FRY: variants seen among roughly 807,000 people sequenced by gnomAD.
FRY encodes FRY microtubule binding protein, also known as protein furry homolog.
FRY carries 128 observed loss-of-function variants against 348.4 expected under a neutral mutation model. The ratio of observed to expected loss-of-function variants is 0.37; its 90% CI spans 0.32 to 0.43. The LOEUF is 0.43. FRY is among the 20% of genes least tolerant of loss of function. The pLI, the probability that FRY is intolerant of heterozygous loss-of-function variation, is 1.00. For synonymous variants in FRY, 1,370 were observed against 1,374.7 expected, an observed-to-expected ratio of 1.00 and a Z score of 0.08; for missense variants, 2,736 against 3,695.2, an observed-to-expected ratio of 0.74 and a Z score of 6.73.
intron 36 of FRY, among the ~76,000 whole-genome samples, chr13:32,222,607 G>T (rs1192732107): frequency 6.6e-6 from 1 of 152,228 alleles, no homozygotes; most frequent in Admixed American, 6.5e-5. Flanking sequence ...TGCAAGAGAG[G>T]ATGGTGGCTT....
At chr13:32,200,903 C>G (rs1053494296) in intron 29 of FRY, among the ~76,000 whole-genome samples, 5 of 152,142 alleles carry the variant, frequency 3.3e-5, no homozygotes, top group African/African-American at 1.2e-4. Flanking sequence ...CTAATTCCAG[C>G]CCTCATCAGT....
At chr13:32,113,185 CAGTGAGTA>C (rs1878078594) in intron 3 of FRY, among the ~76,000 whole-genome samples, 1 of 152,266 alleles carries the variant, frequency 6.6e-6, no homozygotes, top group South Asian at 2.1e-4. Context: ...TGGTATTACA[CAGTGAGTA>C]TCGTGGCCCT....
intron 12 of FRY, 23 bp from the exon 13 acceptor site, chr13:32,147,816 C>T (rs750288463): frequency 1.2e-5 from 16 of 1,361,526 alleles, no homozygotes; most frequent in Middle Eastern, 1.8e-4. Flanking sequence ...TGCTTGTTTT[C>T]TCTTTTCCCC....
At chr13:32,230,336 C>A (rs1885839792) in intron 40 of FRY, among the ~76,000 whole-genome samples, 1 of 152,194 alleles carries the variant, frequency 6.6e-6, no homozygotes, top group Admixed American at 6.5e-5. Flanking sequence ...TTGTCTGTTC[C>A]TGCGTTAGTT....
intron 31 of FRY, among the ~76,000 whole-genome samples, chr13:32,203,405 G>T (rs1884159786): frequency 6.6e-6 from 1 of 152,196 alleles, no homozygotes; most frequent in South Asian, 2.1e-4. Flanking sequence ...ATAAACTGCA[G>T]TTAGGTAATG....
Position 32,186,246 on chromosome 13 carries a change from GT to G in FRY, c.3320-9del. ...GTCCAGTCTTATAACCTCTAAGTGT[GT>G]TTTTCTCCCTAGTTCACCACCGAAG... On this transcript the variant is annotated splice_polypyrimidine_tract_variant and intron_variant, in intron 26 of 60. Transcript: ENST00000542859. 2 of 1,604,036 alleles carry G rather than the reference GT, an allele frequency of 1.2e-6. No homozygotes were observed. The highest frequency in any genetic ancestry group is 1.3e-5 in the African/African-American group (1 of 74,844).
chr13:32,247,287 A>G (rs1253287586), intron 47 of FRY, 36 bp from the exon 48 acceptor site: 2 of 1,559,222 alleles, frequency 1.3e-6, no homozygotes, highest in Non-Finnish European at 1.8e-6. Context: ...AAAAAATTAA[A>G]TTATTTTTAA....
chr13:32,150,629 A>G (rs755894943), intron 14 of FRY, among the ~76,000 whole-genome samples: 12 of 152,206 alleles, frequency 7.9e-5, no homozygotes, highest in Non-Finnish European at 1.6e-4. Flanking sequence ...GGAAGAGTAC[A>G]TTACAAACTC....
intron 50 of FRY, among the ~76,000 whole-genome samples, chr13:32,253,955 A>T (rs1887211730): frequency 6.6e-6 from 1 of 152,046 alleles, no homozygotes; most frequent in African/African-American, 2.4e-5. Flanking sequence ...ATACACACAC[A>T]CACACAGGTA....
rs376976526 is a variant in FRY at position 32,294,115 on chromosome 13, T to A, written c.8581-253T>A. Among the ~76,000 whole-genome samples the A allele has an allele frequency of 1.8e-4, 27 of 152,324 alleles. No homozygotes were observed. The East Asian group carries it at 5.0e-3, about 28-fold the overall frequency. On this transcript the variant is annotated intron_variant, in intron 59 of 60. Transcript: ENST00000542859. The stretch of plus-strand genomic sequence containing the variant: ...ATTCCCTATTTAAGTCTAACTTAAA[T>A]AGAACACATTTTAAATGAAGTCTTA...
chr13:32,294,616 C>G, intron 60 of FRY, 46 bp downstream of exon 60: 1 of 1,362,548 alleles, frequency 7.3e-7, no homozygotes, highest in Non-Finnish European at 1.1e-6. Context: ...AAATGCACAC[C>G]TGGTTGTTAC....
chr13:32,186,152 G>T, intron 26 of FRY, 108 bp from the exon 27 acceptor site: 1 of 869,878 alleles, frequency 1.1e-6, no homozygotes. Context: ...AAAGAAAACT[G>T]TAGTTAAAAA....
intron 49 of FRY, 69 bp from the exon 50 acceptor site, chr13:32,251,809 G>A (rs1887098024): frequency 1.1e-6 from 1 of 944,650 alleles, no homozygotes; most frequent in Admixed American, 1.7e-5. Flanking sequence ...TATGGCTAGT[G>A]GCTAGAAAAT....
At chr13:32,170,231 G>A (rs541760407) in intron 17 of FRY, among the ~76,000 whole-genome samples, 6 of 152,240 alleles carry the variant, frequency 3.9e-5, no homozygotes, top group African/African-American at 7.2e-5. Flanking sequence ...AATAGGATTC[G>A]ATACTAATTT....
At chr13:32,192,409 T>C (rs1040182642) in intron 28 of FRY, among the ~76,000 whole-genome samples, 1 of 151,954 alleles carries the variant, frequency 6.6e-6, no homozygotes, top group Non-Finnish European at 1.5e-5. Context: ...ACCTCCCGGG[T>C]TCATGCCATT....
chr13:32,187,115 A>G lies in FRY; in HGVS notation c.3481-431A>G, dbSNP rs931136412. ...ATAATTATTTACTTTCATACTTTTC[A>G]TATATTTTATACTGTCTCAGTTCAA... On this transcript the variant is annotated intron_variant, in intron 27 of 60. Transcript: ENST00000542859. Among the ~76,000 whole-genome samples the G allele has an allele frequency of 3.3e-5, 5 of 152,196 alleles. No homozygotes were observed. In the South Asian group the frequency reaches 1.0e-3, roughly 32 times the overall value.
At chr13:32,235,299 T>A (rs559915945) in intron 42 of FRY, among the ~76,000 whole-genome samples, 68 of 152,320 alleles carry the variant, frequency 4.5e-4, no homozygotes, top group African/African-American at 1.6e-3. Context: ...CATTACAAGC[T>A]CTCTGGCTCC....
chr13:32,243,943 A>G lies in FRY; in HGVS notation c.6688-99A>G, dbSNP rs138165196. On this transcript the variant is annotated intron_variant, in intron 46 of 60. Coordinates refer to ENST00000542859, the MANE Select transcript of FRY (RefSeq NM_023037.3). The stretch of plus-strand genomic sequence containing the variant: ...CCCATCTCCTAAAAAAATAAAAAAT[A>G]AAAAGGAAATGTGCAATCCTAAATG... The G allele has an allele frequency of 6.3e-4, 861 of 1,357,924 alleles. 8 individuals carry two copies. The East Asian group carries it at 0.017, about 28-fold the overall frequency. 84.1% of individuals were successfully genotyped at this position (1,357,924 alleles called of 1,614,324 possible). A position where few individuals can be genotyped will look rare whatever the true frequency, so the allele number is the denominator to read the frequency against.
chr13:32,199,416 C>T (rs962298054), intron 29 of FRY, among the ~76,000 whole-genome samples: 5 of 152,212 alleles, frequency 3.3e-5, no homozygotes, highest in African/African-American at 1.2e-4. Flanking sequence ...AAAAGCAGAT[C>T]ATCAAGCAGT....
Sources: gnomAD v4.1 joint callset for allele counts (sites outside exome capture counted in the v4.1 genomes callset) on GRCh38, gnomAD v4.1.1 for gene constraint, MANE v1.5 for transcripts, NCBI Gene and HGNC (gene_info 2026-07-23, HGNC 2026-07-21) for gene names.